Variants in GRIN2A observed in about 807,000 individuals in gnomAD.
The protein encoded by GRIN2A is glutamate receptor ionotropic, NMDA 2A.
GRIN2A carries 22 observed loss-of-function variants against 113.4 expected under a neutral mutation model. The ratio of observed to expected loss-of-function variants is 0.19; its 90% CI spans 0.14 to 0.28. GRIN2A has a LOEUF of 0.28. Ranked by LOEUF, GRIN2A falls within the 10% of genes least tolerant of loss-of-function variation. GRIN2A has a pLI of 1.00. For missense variants in GRIN2A, 1,502 were observed against 1,887.0 expected (o/e 0.80, Z 3.78); for synonymous variants, 827 against 738.4 (o/e 1.12, Z -1.94).
intron 2 of GRIN2A, among the ~76,000 whole-genome samples, chr16:10,094,472 G>A (rs939164574): frequency 1.3e-4 from 19 of 149,692 alleles, no homozygotes; most frequent in African/African-American, 3.9e-4. Context: ...TTTTTGAGAT[G>A]GAATCTCGCT....
chr16:9,764,001 G>A lies in GRIN2A; in HGVS notation c.3543C>T (p.Asn1181=), dbSNP rs369551956. 31 of 1,614,016 alleles carry A rather than the reference G, an allele frequency of 1.9e-5. No homozygotes were observed. Among genetic ancestry groups the A allele is most frequent in the South Asian group, 4.4e-5 (4 of 91,086 alleles). ...PLHNEEGLSN[N]DQYKLYSKHF... ...GCTTGGAGTAGAGTTTATACTGGTCGTTGTTGGAAAGCCCCTCTTCATTAT... is the reference window on the plus strand; with the variant it reads ...GCTTGGAGTAGAGTTTATACTGGTCATTGTTGGAAAGCCCCTCTTCATTAT... The change falls in exon 13 of 13, where the codon AAC becomes AAT. Residue 1181 remains asparagine (N), a synonymous_variant. Coordinates refer to ENST00000330684, the MANE Select transcript of GRIN2A (RefSeq NM_001134407.3).
At position 9,759,558 on chromosome 16, in the gene GRIN2A, G is replaced by C. The variant is rs1900489784; in HGVS notation, c.*3591C>G. 1 of 226,206 alleles carries C rather than the reference G, an allele frequency of 4.4e-6. No homozygotes were observed. Among genetic ancestry groups the C allele is most frequent in the African/African-American group, 2.2e-5 (1 of 44,952 alleles). 14.0% of individuals were successfully genotyped at this position (226,206 alleles called of 1,614,324 possible). On this transcript the variant is annotated 3_prime_UTR_variant, in exon 13 of 13. Transcript: ENST00000330684. Reference sequence around the variant, plus strand: ...CCAGAAAATAAGCGTGAAATGATTTGACAGATTTTGCTGCAATGTGTGAAT... The same window carrying C: ...CCAGAAAATAAGCGTGAAATGATTTCACAGATTTTGCTGCAATGTGTGAAT...
At chr16:10,042,075 AC>A (rs1380326395) in intron 2 of GRIN2A, among the ~76,000 whole-genome samples, 1 of 152,122 alleles carries the variant, frequency 6.6e-6, no homozygotes, top group Non-Finnish European at 1.5e-5. Flanking sequence ...AGTGTGGTAG[AC>A]CTTGTAGGTG....
intron 2 of GRIN2A, among the ~76,000 whole-genome samples, chr16:10,086,812 G>A (rs902040017): frequency 6.6e-6 from 1 of 152,134 alleles, no homozygotes; most frequent in Non-Finnish European, 1.5e-5. Flanking sequence ...AAAATACCCA[G>A]CTCATTCCCA....
At chr16:9,884,452 G>C (rs12921702) in intron 4 of GRIN2A, among the ~76,000 whole-genome samples, 1 of 152,072 alleles carries the variant, frequency 6.6e-6, no homozygotes, top group Admixed American at 6.6e-5. Context: ...GGGAGGCTGA[G>C]ACAGGAGAAT....
chr16:10,093,216 T>C (rs1302731168), intron 2 of GRIN2A, among the ~76,000 whole-genome samples: 1 of 152,196 alleles, frequency 6.6e-6, no homozygotes, highest in Non-Finnish European at 1.5e-5. Context: ...GCAGGGTCCG[T>C]ATGTCATAAT....
At chr16:9,804,429 T>C (rs2041925985) in intron 10 of GRIN2A, among the ~76,000 whole-genome samples, 1 of 152,000 alleles carries the variant, frequency 6.6e-6, no homozygotes, top group Admixed American at 6.6e-5. Flanking sequence ...TCTTCTCTGC[T>C]TGGTGCATGT....
intron 2 of GRIN2A, among the ~76,000 whole-genome samples, chr16:10,126,560 CAT>C (rs1168625776): frequency 6.6e-6 from 1 of 152,184 alleles, no homozygotes; most frequent in Non-Finnish European, 1.5e-5. Flanking sequence ...TCTCTAATCA[CAT>C]GTTACTCATT....
At chr16:10,122,931 G>T (rs1011563434) in intron 2 of GRIN2A, among the ~76,000 whole-genome samples, 3 of 152,128 alleles carry the variant, frequency 2.0e-5, no homozygotes, top group Admixed American at 2.0e-4. Flanking sequence ...GCTGGGAAAG[G>T]TTAAAAAATA....
At chr16:9,770,866 C>T (rs1209084015) in intron 11 of GRIN2A, among the ~76,000 whole-genome samples, 3 of 152,172 alleles carry the variant, frequency 2.0e-5, no homozygotes, top group Non-Finnish European at 4.4e-5. Flanking sequence ...CCTCTCCCCG[C>T]TCCCTTCGGT....
chr16:9,818,643 C>T (rs368239851), intron 10 of GRIN2A, among the ~76,000 whole-genome samples: 1 of 152,014 alleles, frequency 6.6e-6, no homozygotes, highest in Non-Finnish European at 1.5e-5. Context: ...AAGGAATTGC[C>T]GATGGCTCTT....
intron 2 of GRIN2A, among the ~76,000 whole-genome samples, chr16:10,070,526 A>AG (rs916967123): frequency 2.8e-4 from 42 of 152,110 alleles, no homozygotes; most frequent in Non-Finnish European, 5.0e-4. Flanking sequence ...GTTAAAAAAA[A>AG]ATGCTACCAG....
At chr16:10,069,853 C>T (rs561649827) in intron 2 of GRIN2A, among the ~76,000 whole-genome samples, 10 of 152,204 alleles carry the variant, frequency 6.6e-5, no homozygotes, top group East Asian at 1.9e-4. Flanking sequence ...ATAGATCCCA[C>T]GTCTTGGGCT....
At chr16:9,896,242 G>T (rs2043804039) in intron 3 of GRIN2A, among the ~76,000 whole-genome samples, 1 of 152,096 alleles carries the variant, frequency 6.6e-6, no homozygotes, top group African/African-American at 2.4e-5. Flanking sequence ...TAGAGACAGG[G>T]TTGCACCATG....
At position 10,023,740 on chromosome 16, in the gene GRIN2A, T is replaced by A. The variant is rs186734363; in HGVS notation, c.415-85189A>T. On this transcript the variant is annotated intron_variant, in intron 2 of 12. Transcript: ENST00000330684. ...CAGTTGAACCTACAAACAGAAATAA[T>A]GTGAGAGGTCACAAGTCCACTCATT... 5.8e-4 allele frequency among the ~76,000 whole-genome samples: 89 copies of A among 152,314 alleles called. 1 individual carries two copies. The highest frequency in any genetic ancestry group is 9.8e-4 in the Non-Finnish European group (67 of 68,022).
At chr16:9,949,693 A>G (rs1216379531) in intron 2 of GRIN2A, among the ~76,000 whole-genome samples, 1 of 149,730 alleles carries the variant, frequency 6.7e-6, no homozygotes, top group East Asian at 2.1e-4. Flanking sequence ...GGACAGATAA[A>G]TGGATGGGTG....
intron 2 of GRIN2A, among the ~76,000 whole-genome samples, chr16:10,119,411 G>T (rs151171759): frequency 0.023 from 676 of 30,014 alleles, 6 homozygotes; most frequent in South Asian, 0.074. Flanking sequence ...ATATTTTCCA[G>T]AAATCTGTTA....
chr16:10,104,542 C>G (rs2048458173), intron 2 of GRIN2A, among the ~76,000 whole-genome samples: 1 of 152,206 alleles, frequency 6.6e-6, no homozygotes, highest in South Asian at 2.1e-4. Context: ...CAAAAGCACT[C>G]TTGCATATGG....
intron 3 of GRIN2A, among the ~76,000 whole-genome samples, chr16:9,917,554 G>C (rs532987410): frequency 6.6e-6 from 1 of 152,318 alleles, no homozygotes; most frequent in South Asian, 2.1e-4. Flanking sequence ...ATGCACCACT[G>C]TTCTACTGCA....
Sources: allele counts gnomAD v4.1 joint callset (sites outside exome capture counted in the v4.1 genomes callset), GRCh38; gene constraint gnomAD v4.1.1; transcripts MANE v1.5; gene names NCBI Gene and HGNC (gene_info 2026-07-23, HGNC 2026-07-21).